The following RPS6KA2 variants were observed in gnomAD, a reference collection of about 807,000 sequenced individuals.
RPS6KA2 encodes ribosomal protein S6 kinase alpha-2.
Under a neutral mutation model 91.8 loss-of-function variants are expected in RPS6KA2, and 42 were observed. That is an observed-to-expected ratio of 0.46 (90% CI 0.36 to 0.59). The LOEUF is 0.59. RPS6KA2 is among the 20% of genes least tolerant of loss of function. The probability of loss-of-function intolerance (pLI) is 0.00; values close to 1 mark genes in which losing one functional copy is unlikely to be tolerated. For synonymous variants in RPS6KA2, 414 were observed against 393.6 expected (o/e 1.05, Z -0.61); for missense variants, 798 against 978.5 (o/e 0.82, Z 2.46).
chr6:166,414,717 C>A lies in RPS6KA2; in HGVS notation c.1939-786G>T, dbSNP rs187051032. 1.6e-3 allele frequency among the ~76,000 whole-genome samples: 251 copies of A among 152,342 alleles called. 2 individuals carry two copies. Among genetic ancestry groups the A allele is most frequent in the African/African-American group, 5.5e-3 (227 of 41,580 alleles). The stretch of plus-strand genomic sequence containing the variant: ...AAGATGAGAATCCATATTCTCTCCA[C>A]TAGCCTACCCTCCTTCCTTAGTGTT... On this transcript the variant is annotated intron_variant, in intron 19 of 20. Transcript: ENST00000265678.
At chr6:166,624,030 T>C (rs1786740463) in intron 1 of RPS6KA2, among the ~76,000 whole-genome samples, 1 of 152,044 alleles carries the variant, frequency 6.6e-6, no homozygotes, top group African/African-American at 2.4e-5. Context: ...TTGCCAAGCA[T>C]AAATGTAAAA....
chr6:166,621,318 C>T (rs1786623939), intron 1 of RPS6KA2, among the ~76,000 whole-genome samples: 1 of 152,206 alleles, frequency 6.6e-6, no homozygotes, highest in Non-Finnish European at 1.5e-5. Context: ...ATGCAGGTGC[C>T]TCCGGCTTCC....
At chr6:166,425,406 A>T (rs1255255149) in intron 16 of RPS6KA2, among the ~76,000 whole-genome samples, 1 of 152,162 alleles carries the variant, frequency 6.6e-6, no homozygotes, top group Non-Finnish European at 1.5e-5. Context: ...TGAGCAAAAT[A>T]ACCAGCTAAC....
Position 166,767,814 on chromosome 6 carries a change from C to T in RPS6KA2, c.123+90386G>A, listed in dbSNP as rs1307404483. ...ACACACACACACACACACACACACA[C>T]ACCCTGGTGTCAGGCAGCCGGCCAC... is the stretch of plus-strand genomic sequence containing the variant. On this transcript the variant is annotated intron_variant, in intron 2 of 21. Transcript: ENST00000503859. This position sits in a 1 kb window ranked among gnomAD's most constrained non-coding sequence, Gnocchi z 4.6. 6.9e-6 allele frequency among the ~76,000 whole-genome samples: 1 copy of T among 144,664 alleles called. No individual in the cohort carries two copies. Among genetic ancestry groups the T allele is most frequent in the Non-Finnish European group, 1.5e-5 (1 of 65,476 alleles). The allele number at this position is 144,664 out of a possible 152,430, so 94.9% of individuals were successfully genotyped here. A position where few individuals can be genotyped will look rare whatever the true frequency, so the allele number is the denominator to read the frequency against.
intron 2 of RPS6KA2, among the ~76,000 whole-genome samples, chr6:166,651,928 G>A (rs1344111165): frequency 6.6e-6 from 1 of 152,276 alleles, no homozygotes; most frequent in African/African-American, 2.4e-5. Flanking sequence ...CCCAACGGCT[G>A]ACAACGTGGA....
intron 12 of RPS6KA2, among the ~76,000 whole-genome samples, chr6:166,453,232 A>ACACACACACAC (rs1562504101): frequency 1.1e-5 from 1 of 94,282 alleles, no homozygotes; most frequent in African/African-American, 3.6e-5. Flanking sequence ...CACACACACA[A>ACACACACACAC]AAAGGCTTTA....
At chr6:166,481,751 T>C (rs1400802592) in intron 10 of RPS6KA2, among the ~76,000 whole-genome samples, 2 of 151,546 alleles carry the variant, frequency 1.3e-5, no homozygotes, top group Non-Finnish European at 2.9e-5. Flanking sequence ...ACCTCTCTGA[T>C]CAATCTTAAA....
At chr6:166,446,099 C>A (rs1043078840) in intron 14 of RPS6KA2, among the ~76,000 whole-genome samples, 5 of 152,244 alleles carry the variant, frequency 3.3e-5, no homozygotes, top group African/African-American at 1.2e-4. Flanking sequence ...TGGGTCAAAG[C>A]AGTTTTGGTA....
chr6:166,728,458 A>T (rs4448067), intron 2 of RPS6KA2, among the ~76,000 whole-genome samples: 11,898 of 152,154 alleles, frequency 0.078, 772 homozygotes, highest in African/African-American at 0.18. Context: ...GGTACATGAC[A>T]AGCCTATTCT....
chr6:166,641,753 A>AAAAAAAAAAAAT (rs1787444648), intron 2 of RPS6KA2, among the ~76,000 whole-genome samples: 1 of 142,504 alleles, frequency 7.0e-6, no homozygotes, highest in South Asian at 2.3e-4. Context: ...AAAAAAAAAA[A>AAAAAAAAAAAAT]AAAAAAAAAA....
intron 2 of RPS6KA2, among the ~76,000 whole-genome samples, chr6:166,667,541 C>T (rs184889601): frequency 6.6e-5 from 10 of 152,262 alleles, no homozygotes; most frequent in Admixed American, 2.0e-4. Flanking sequence ...ATGTACAGGC[C>T]GGATTTCATG....
intron 19 of RPS6KA2, 77 bp from the exon 20 acceptor site, chr6:166,414,008 T>C: frequency 1.4e-6 from 2 of 1,394,210 alleles, no homozygotes; most frequent in East Asian, 2.3e-5. Context: ...CCAGCAGAAC[T>C]CCTCTCCCTC....
chr6:166,505,481 T>A (rs1782174856), intron 5 of RPS6KA2, among the ~76,000 whole-genome samples: 1 of 152,216 alleles, frequency 6.6e-6, no homozygotes, highest in Non-Finnish European at 1.5e-5. Context: ...ACAAGCCATT[T>A]TCTATATTCG....
intron 2 of RPS6KA2, among the ~76,000 whole-genome samples, chr6:166,830,299 T>C (rs1780154028): frequency 6.6e-6 from 1 of 152,240 alleles, no homozygotes; most frequent in African/African-American, 2.4e-5. Context: ...AGTGTCAAAA[T>C]TATAGAGACA....
intron 1 of RPS6KA2, among the ~76,000 whole-genome samples, chr6:166,625,396 T>G (rs915655679): frequency 8.0e-6 from 1 of 125,378 alleles, no homozygotes; most frequent in East Asian, 2.7e-4. Flanking sequence ...CAGCCCTCCT[T>G]GCAGAACCCT....
intron 19 of RPS6KA2, 113 bp from the exon 20 acceptor site, chr6:166,414,044 G>T: frequency 1.1e-6 from 1 of 929,476 alleles, no homozygotes; most frequent in East Asian, 2.6e-5. Context: ...CCACTATGCT[G>T]AGTGTGGGTC....
At chr6:166,679,717 C>T (rs1326153051) in intron 2 of RPS6KA2, among the ~76,000 whole-genome samples, 7 of 152,318 alleles carry the variant, frequency 4.6e-5, no homozygotes, top group Non-Finnish European at 8.8e-5. Flanking sequence ...TGGGGCTGGC[C>T]GAGGCCGGAG....
At chr6:166,438,179 T>C (rs2128449137) in intron 14 of RPS6KA2, among the ~76,000 whole-genome samples, 1 of 152,384 alleles carries the variant, frequency 6.6e-6, no homozygotes, top group East Asian at 1.9e-4. Context: ...GAACTCCTGT[T>C]TTATCCTGGT....
intron 2 of RPS6KA2, among the ~76,000 whole-genome samples, chr6:166,785,688 T>G (rs148457575): frequency 6.6e-6 from 1 of 152,352 alleles, no homozygotes; most frequent in African/African-American, 2.4e-5. Flanking sequence ...GAGCCAGCAT[T>G]TGAAGTCAGA....
Sources: allele counts gnomAD v4.1 joint callset (sites outside exome capture counted in the v4.1 genomes callset), GRCh38; gene constraint gnomAD v4.1.1; non-coding constraint Gnocchi (gnomAD v3.1); transcripts MANE v1.5; gene names NCBI Gene and HGNC (gene_info 2026-07-23, HGNC 2026-07-21).